The following RBFOX1 variants were observed in gnomAD, a reference collection of about 807,000 sequenced individuals.
The protein encoded by RBFOX1 is RNA binding fox-1 homolog 1.
In RBFOX1, 8 loss-of-function variants were observed where a neutral mutation model predicts 57.7. That is an observed-to-expected ratio of 0.14 (90% CI 0.08 to 0.25). The LOEUF (loss-of-function observed/expected upper bound fraction) is 0.25, where lower values mean the gene tolerates loss of function less well. Among genes scored for constraint, RBFOX1 ranks in the 10% least tolerant of loss-of-function variants. RBFOX1 has a pLI of 1.00. For missense variants in RBFOX1, 611 were observed against 548.5 expected (o/e 1.11, Z -1.14); for synonymous variants, 326 against 222.4 (o/e 1.47, Z -4.15).
intron 3 of RBFOX1, among the ~76,000 whole-genome samples, chr16:5,837,562 G>A (rs1273756339): frequency 1.3e-5 from 2 of 151,060 alleles, no homozygotes; most frequent in Non-Finnish European, 2.9e-5. Flanking sequence ...GGCAGGAGGA[G>A]GTGGAAAAGC....
intron 4 of RBFOX1, among the ~76,000 whole-genome samples, chr16:7,140,297 A>G (rs1161915724): frequency 6.1e-5 from 5 of 82,518 alleles, no homozygotes. Flanking sequence ...TTAGTTTTTT[A>G]AAGGTCACCT....
At chr16:5,854,945 T>C (rs1309008112) in intron 3 of RBFOX1, among the ~76,000 whole-genome samples, 2 of 152,254 alleles carry the variant, frequency 1.3e-5, no homozygotes, top group African/African-American at 4.8e-5. Context: ...TACCTCATTG[T>C]GGTTTTGATT....
intron 3 of RBFOX1, among the ~76,000 whole-genome samples, chr16:5,745,018 T>G (rs1425972852): frequency 1.3e-5 from 2 of 152,294 alleles, no homozygotes; most frequent in African/African-American, 4.8e-5. Flanking sequence ...TATGTATACG[T>G]GTGCCCTGTT....
intron 3 of RBFOX1, among the ~76,000 whole-genome samples, chr16:5,782,622 C>T (rs913962369): frequency 6.6e-6 from 1 of 152,142 alleles, no homozygotes; most frequent in African/African-American, 2.4e-5. Context: ...TCCAGGGAAA[C>T]AGAACCAATG....
intron 3 of RBFOX1, among the ~76,000 whole-genome samples, chr16:6,922,215 G>C (rs1105004): frequency 6.6e-6 from 1 of 151,934 alleles, no homozygotes; most frequent in South Asian, 2.1e-4. Flanking sequence ...CTACAATGGA[G>C]AGGTCTGAGG....
chr16:6,470,275 T>C (rs1485480450), intron 2 of RBFOX1, among the ~76,000 whole-genome samples: 1 of 152,160 alleles, frequency 6.6e-6, no homozygotes, highest in African/African-American at 2.4e-5. Flanking sequence ...GATCCAGGCA[T>C]TTTTACAGTA....
chr16:6,590,967 G>A (rs74005196), intron 2 of RBFOX1, among the ~76,000 whole-genome samples: 8,294 of 152,200 alleles, frequency 0.054, 722 homozygotes, highest in African/African-American at 0.19. Flanking sequence ...GAGAGTCCCA[G>A]TGCTGGACTA....
At chr16:7,603,941 G>A (rs1012935705) in intron 9 of RBFOX1, among the ~76,000 whole-genome samples, 15 of 152,140 alleles carry the variant, frequency 9.9e-5, no homozygotes, top group African/African-American at 3.4e-4. Flanking sequence ...AGGAGGAAGA[G>A]GAGACAGTGA....
intron 3 of RBFOX1, among the ~76,000 whole-genome samples, chr16:6,891,999 C>T (rs1466538994): frequency 1.3e-5 from 2 of 152,070 alleles, no homozygotes; most frequent in Non-Finnish European, 2.9e-5. Flanking sequence ...TGATGCACTG[C>T]AAAAAAGAAT....
At chr16:6,100,085 C>G (rs943697091) in intron 1 of RBFOX1, among the ~76,000 whole-genome samples, 2 of 152,008 alleles carry the variant, frequency 1.3e-5, no homozygotes, top group African/African-American at 4.8e-5. Flanking sequence ...TGGGGATGCT[C>G]TAAAGTAGTC....
At chr16:6,288,502 C>T (rs1567857607) in intron 1 of RBFOX1, among the ~76,000 whole-genome samples, 1 of 152,176 alleles carries the variant, frequency 6.6e-6, no homozygotes, top group African/African-American at 2.4e-5. Flanking sequence ...ATTGTACATA[C>T]ATGATTTTGT....
At chr16:5,704,823 C>G (rs1211841170) in intron 3 of RBFOX1, among the ~76,000 whole-genome samples, 1 of 152,108 alleles carries the variant, frequency 6.6e-6, no homozygotes, top group Admixed American at 6.6e-5. Flanking sequence ...GCCAGGACCC[C>G]CTTTGAGTTG....
At chr16:5,799,246 A>T (rs556087613) in intron 3 of RBFOX1, among the ~76,000 whole-genome samples, 1 of 152,072 alleles carries the variant, frequency 6.6e-6, no homozygotes, top group Non-Finnish European at 1.5e-5. Context: ...TATGGGGGAA[A>T]CTGCCCCCAT....
At chr16:5,869,764 A>C (rs2057424171) in intron 4 of RBFOX1, among the ~76,000 whole-genome samples, 1 of 152,204 alleles carries the variant, frequency 6.6e-6, no homozygotes, top group African/African-American at 2.4e-5. Context: ...GAGGAGTTGC[A>C]GTAGTTCCTA....
intron 4 of RBFOX1, among the ~76,000 whole-genome samples, chr16:7,296,889 C>T (rs937380615): frequency 1.3e-5 from 2 of 152,186 alleles, no homozygotes; most frequent in African/African-American, 2.4e-5. Flanking sequence ...CTTCCCTCTG[C>T]CCCTGAGTCC....
At chr16:6,858,013 G>C (rs982925195) in intron 3 of RBFOX1, among the ~76,000 whole-genome samples, 3 of 152,148 alleles carry the variant, frequency 2.0e-5, no homozygotes, top group African/African-American at 7.2e-5. Flanking sequence ...ATATGGAAAA[G>C]GCAAGGCTTT....
chr16:7,120,312 A>G (rs1344925491), intron 4 of RBFOX1, among the ~76,000 whole-genome samples: 1 of 150,430 alleles, frequency 6.6e-6, no homozygotes, highest in Non-Finnish European at 1.5e-5. Flanking sequence ...TAATACATGC[A>G]AAGAGAAAGA....
intron 2 of RBFOX1, among the ~76,000 whole-genome samples, chr16:5,581,385 G>A (rs1030924838): frequency 2.0e-5 from 3 of 152,192 alleles, no homozygotes; most frequent in African/African-American, 7.2e-5. Context: ...CAATACCTAT[G>A]TGTGTCAGTG....
intron 4 of RBFOX1, among the ~76,000 whole-genome samples, chr16:7,192,087 A>G (rs968515063): frequency 1.3e-5 from 2 of 152,188 alleles, no homozygotes; most frequent in Non-Finnish European, 2.9e-5. Context: ...GCTGTTTTCA[A>G]AACCAGAGAA....
Sources: gnomAD v4.1 joint callset for allele counts (sites outside exome capture counted in the v4.1 genomes callset) on GRCh38, gnomAD v4.1.1 for gene constraint, MANE v1.5 for transcripts, NCBI Gene and HGNC (gene_info 2026-07-23, HGNC 2026-07-21) for gene names.